CDYL: variants seen among roughly 807,000 people sequenced by gnomAD.
The protein encoded by CDYL is chromodomain Y-like protein.
CDYL carries 8 observed loss-of-function variants against 47.3 expected under a neutral mutation model. The observed-to-expected ratio is 0.17, with a 90% confidence interval of 0.10 to 0.31. CDYL has a LOEUF of 0.31. Ranked by LOEUF, CDYL falls within the 10% of genes least tolerant of loss-of-function variation. The pLI, the probability that CDYL is intolerant of heterozygous loss-of-function variation, is 1.00. For missense variants in CDYL, 471 were observed against 701.4 expected (o/e 0.67, Z 3.71); for synonymous variants, 266 against 265.0 (o/e 1.00, Z -0.04).
At chr6:4,787,242 G>C (rs1295606662) in intron 1 of CDYL, among the ~76,000 whole-genome samples, 1 of 28,904 alleles carries the variant, frequency 3.5e-5, no homozygotes, top group Admixed American at 5.3e-4. Flanking sequence ...AAAGAAGTAG[G>C]AGTGTGTGTT....
chr6:4,749,299 GGATGGATA>G (rs1283880065), intron 3 of CDYL, among the ~76,000 whole-genome samples: 14 of 132,924 alleles, frequency 1.1e-4, no homozygotes, highest in African/African-American at 1.3e-4. Context: ...ATGGATGGAT[GGATGGATA>G]GATGGATGGA....
chr6:4,806,368 G>C (rs1581178666), intron 1 of CDYL, among the ~76,000 whole-genome samples: 1 of 152,234 alleles, frequency 6.6e-6, no homozygotes, highest in Admixed American at 6.5e-5. Flanking sequence ...TTTCCAAAAT[G>C]TGAAATTCAT....
intron 1 of CDYL, among the ~76,000 whole-genome samples, chr6:4,802,546 C>CA (rs1030743390): frequency 1.3e-5 from 2 of 151,760 alleles, no homozygotes; most frequent in Admixed American, 6.6e-5. Flanking sequence ...CTCAAAAAAA[C>CA]AAAAAACAGT....
chr6:4,761,655 A>G (rs1014311657), intron 3 of CDYL, among the ~76,000 whole-genome samples: 1 of 152,198 alleles, frequency 6.6e-6, no homozygotes, highest in Admixed American at 6.5e-5. Flanking sequence ...TTTCCCCAGA[A>G]TTGTTAAAGG....
intron 1 of CDYL, among the ~76,000 whole-genome samples, chr6:4,859,959 T>G (rs930216374): frequency 2.0e-5 from 3 of 151,478 alleles, no homozygotes; most frequent in African/African-American, 7.3e-5. Flanking sequence ...TGGAGTGCAG[T>G]GGCGCAATCT....
At chr6:4,934,871 T>TG (rs1272210124) in intron 2 of CDYL, among the ~76,000 whole-genome samples, 1 of 152,064 alleles carries the variant, frequency 6.6e-6, no homozygotes, top group African/African-American at 2.4e-5. Flanking sequence ...CTTTATGTGG[T>TG]GGGGGAGAGG....
chr6:4,804,040 A>G lies in CDYL; in HGVS notation c.24+27233A>G, dbSNP rs148649010. ...TTTTAAAATACTTTGTTTGCCGTGC[A>G]TGTTTTAAGAGTTTGCTCTCTTTAG... is the stretch of plus-strand genomic sequence containing the variant. On this transcript the variant is annotated intron_variant, in intron 1 of 6. Transcript: ENST00000397588. Among the ~76,000 whole-genome samples the G allele has an allele frequency of 1.4e-4, 20 of 147,548 alleles. 1 individual carries two copies. The East Asian group carries it at 3.8e-3, about 28-fold the overall frequency.
intron 3 of CDYL, among the ~76,000 whole-genome samples, chr6:4,751,300 C>G (rs970409917): frequency 6.6e-6 from 1 of 152,102 alleles, no homozygotes; most frequent in Non-Finnish European, 1.5e-5. Context: ...CTTGGGAATC[C>G]GTTAGAAATG....
At chr6:4,904,946 A>C (rs1757183012) in intron 2 of CDYL, among the ~76,000 whole-genome samples, 1 of 151,982 alleles carries the variant, frequency 6.6e-6, no homozygotes, top group Admixed American at 6.6e-5. Flanking sequence ...GTGTTTAATC[A>C]CAAGAACACC....
intron 3 of CDYL, among the ~76,000 whole-genome samples, chr6:4,761,094 CA>C: frequency 6.6e-6 from 1 of 152,132 alleles, no homozygotes; most frequent in East Asian, 1.9e-4. Flanking sequence ...GTAACTGTGG[CA>C]AAATTGTTTT....
intron 1 of CDYL, among the ~76,000 whole-genome samples, chr6:4,712,317 C>T (rs528794830): frequency 2.0e-5 from 3 of 152,256 alleles, no homozygotes; most frequent in Admixed American, 6.5e-5. Flanking sequence ...TGATTTCCAT[C>T]CCCATGAGGT....
chr6:4,853,391 C>G (rs1760909936), intron 1 of CDYL, among the ~76,000 whole-genome samples: 1 of 152,194 alleles, frequency 6.6e-6, no homozygotes. Context: ...TGCTAGATGG[C>G]AGAGCCTGCA....
chr6:4,765,286 G>A (rs1758235154), intron 3 of CDYL, among the ~76,000 whole-genome samples: 1 of 151,598 alleles, frequency 6.6e-6, no homozygotes. Flanking sequence ...TCGCACCACT[G>A]TACTCCAGCC....
chr6:4,861,925 G>A (rs1310363442), intron 1 of CDYL, among the ~76,000 whole-genome samples: 1 of 152,146 alleles, frequency 6.6e-6, no homozygotes. Flanking sequence ...TTAAAATCCA[G>A]CATCCAGTAC....
chr6:4,893,373 C>G (rs1204852172), intron 2 of CDYL, among the ~76,000 whole-genome samples: 3 of 152,228 alleles, frequency 2.0e-5, no homozygotes, highest in Non-Finnish European at 2.9e-5. Flanking sequence ...CCTCTCCTCT[C>G]TCTCCCTTCT....
chr6:4,853,584 A>C (rs2127464740), intron 1 of CDYL, among the ~76,000 whole-genome samples: 1 of 152,130 alleles, frequency 6.6e-6, no homozygotes, highest in Non-Finnish European at 1.5e-5. Context: ...TCTCAGCTTC[A>C]CTGCTGTCTT....
At chr6:4,862,478 G>A (rs1331469554) in intron 1 of CDYL, among the ~76,000 whole-genome samples, 1 of 152,084 alleles carries the variant, frequency 6.6e-6, no homozygotes, top group Non-Finnish European at 1.5e-5. Flanking sequence ...AAAACCCATA[G>A]TAAATAATAA....
intron 1 of CDYL, among the ~76,000 whole-genome samples, chr6:4,789,925 C>T (rs550572555): frequency 5.9e-5 from 9 of 152,302 alleles, no homozygotes; most frequent in Non-Finnish European, 1.0e-4. Flanking sequence ...GCCTTTCAGA[C>T]GACAGAAAGC....
chr6:4,916,716 G>A (rs1287964537), intron 2 of CDYL, among the ~76,000 whole-genome samples: 1 of 152,212 alleles, frequency 6.6e-6, no homozygotes, highest in Non-Finnish European at 1.5e-5. Flanking sequence ...CTGAGCCTGT[G>A]AGGACAGAGG....
Sources: gnomAD v4.1 joint callset for allele counts (sites outside exome capture counted in the v4.1 genomes callset) on GRCh38, gnomAD v4.1.1 for gene constraint, MANE v1.5 for transcripts, NCBI Gene and HGNC (gene_info 2026-07-23, HGNC 2026-07-21) for gene names.